Variants in EPB41L2 observed in about 807,000 individuals in gnomAD.
The protein encoded by EPB41L2 is band 4.1-like protein 2.
A neutral mutation model predicts 113.0 loss-of-function variants in EPB41L2; 43 were observed. The ratio of observed to expected loss-of-function variants is 0.38; its 90% CI spans 0.30 to 0.49. EPB41L2 has a LOEUF of 0.49. Among genes scored for constraint, EPB41L2 ranks in the 20% least tolerant of loss-of-function variants. The probability of loss-of-function intolerance (pLI) is 0.95; values close to 1 mark genes in which losing one functional copy is unlikely to be tolerated. For synonymous variants in EPB41L2, 442 were observed against 436.7 expected (o/e 1.01, Z -0.15); for missense variants, 1,147 against 1,223.4 (o/e 0.94, Z 0.93).
At chr6:130,995,759 G>C (rs1023571347) in intron 1 of EPB41L2, among the ~76,000 whole-genome samples, 24 of 152,232 alleles carry the variant, frequency 1.6e-4, no homozygotes, top group African/African-American at 5.3e-4. Context: ...GTCATGATCT[G>C]CCTGATCCTT....
chr6:130,849,130 G>T lies in EPB41L2; in HGVS notation c.*6-8532C>A, dbSNP rs572282623. Among the ~76,000 whole-genome samples, 10 of 152,288 alleles carry T rather than the reference G, an allele frequency of 6.6e-5. No homozygotes were observed. The South Asian group carries it at 1.9e-3, about 28-fold the overall frequency. On this transcript the variant is annotated intron_variant, in intron 19 of 19. Coordinates refer to ENST00000337057, the MANE Select transcript of EPB41L2 (RefSeq NM_001431.4). Reference sequence around the variant, plus strand: ...CTCAACATAAAGACAGGATATGACAGGCAGTAGCACTGTGGTGACCTAGAG... The same window carrying T: ...CTCAACATAAAGACAGGATATGACATGCAGTAGCACTGTGGTGACCTAGAG...
intron 9 of EPB41L2, 30 bp downstream of exon 9, chr6:130,894,934 TAAC>T (rs773806271): frequency 4.4e-6 from 7 of 1,580,716 alleles, no homozygotes; most frequent in South Asian, 1.2e-5. Context: ...ACAGGCCGAC[TAAC>T]AACAACTGAT....
chr6:130,935,206 C>T (rs551049049), intron 3 of EPB41L2, among the ~76,000 whole-genome samples: 77 of 152,222 alleles, frequency 5.1e-4, no homozygotes, highest in African/African-American at 1.8e-3. Context: ...GCAAAGATAC[C>T]CTCCAGTAAC....
intron 1 of EPB41L2, among the ~76,000 whole-genome samples, chr6:131,043,872 T>A (rs1794904639): frequency 6.6e-6 from 1 of 152,048 alleles, no homozygotes; most frequent in Non-Finnish European, 1.5e-5. Flanking sequence ...CCAAATAATA[T>A]AGTAAGAAGT....
At chr6:130,899,352 A>G in intron 8 of EPB41L2, 139 bp downstream of exon 8, 1 of 658,968 alleles carries the variant, frequency 1.5e-6, no homozygotes, top group Non-Finnish European at 2.6e-6. Context: ...TTAGTCACCA[A>G]GGAAATATTC....
chr6:130,968,701 C>A (rs1394370997), intron 1 of EPB41L2, among the ~76,000 whole-genome samples: 2 of 150,926 alleles, frequency 1.3e-5, no homozygotes, highest in Non-Finnish European at 2.9e-5. Context: ...AATGGAATTA[C>A]AGACATGCCA....
chr6:130,894,482 G>C (rs755865392), intron 9 of EPB41L2, 41 bp from the exon 10 acceptor site: 2 of 1,554,140 alleles, frequency 1.3e-6, no homozygotes, highest in Admixed American at 3.3e-5. Context: ...ATTTCCTTAA[G>C]AACTGACTAG....
intron 1 of EPB41L2, among the ~76,000 whole-genome samples, chr6:131,054,662 C>T (rs1333971986): frequency 6.6e-6 from 1 of 152,228 alleles, no homozygotes; most frequent in Non-Finnish European, 1.5e-5. Context: ...TTCACTACAA[C>T]AGTTACTACT....
intron 4 of EPB41L2, among the ~76,000 whole-genome samples, chr6:130,923,293 T>C (rs976923034): frequency 6.6e-6 from 1 of 152,186 alleles, no homozygotes. Flanking sequence ...TCAACCAAAG[T>C]GACCTTTTTA....
Position 131,061,165 on chromosome 6 carries a change from T to C in EPB41L2, c.-15+1990A>G, listed in dbSNP as rs181729232. ...AAGTCTTTCTTACAGAGGGATGTTTTAAAAGGAAAGAAACCGTCCCTTCCC... is the reference window on the plus strand; with the variant it reads ...AAGTCTTTCTTACAGAGGGATGTTTCAAAAGGAAAGAAACCGTCCCTTCCC... On this transcript the variant is annotated intron_variant, in intron 1 of 19. Coordinates refer to ENST00000337057, the MANE Select transcript of EPB41L2 (RefSeq NM_001431.4). Among the ~76,000 whole-genome samples the C allele has an allele frequency of 2.8e-3, 428 of 152,272 alleles. 1 individual carries two copies. The highest frequency in any genetic ancestry group is 0.017 in the Middle Eastern group (5 of 294).
At chr6:131,049,691 C>T (rs1796155476) in intron 1 of EPB41L2, among the ~76,000 whole-genome samples, 1 of 152,234 alleles carries the variant, frequency 6.6e-6, no homozygotes, top group Admixed American at 6.5e-5. Context: ...AGGCATTTGG[C>T]ATCATTTTCC....
intron 1 of EPB41L2, among the ~76,000 whole-genome samples, chr6:131,028,504 C>T (rs1254869514): frequency 2.0e-5 from 3 of 152,162 alleles, no homozygotes; most frequent in East Asian, 1.9e-4. Context: ...ATGTTAATTA[C>T]ATATATGATA....
chr6:130,982,351 T>C (rs1779563692), intron 1 of EPB41L2, among the ~76,000 whole-genome samples: 1 of 152,180 alleles, frequency 6.6e-6, no homozygotes, highest in South Asian at 2.1e-4. Context: ...CTAAACCTCA[T>C]TCTATAAACT....
chr6:130,988,020 G>A (rs994991228), intron 1 of EPB41L2, among the ~76,000 whole-genome samples: 6 of 152,066 alleles, frequency 3.9e-5, no homozygotes, highest in Non-Finnish European at 8.8e-5. Flanking sequence ...GGAGGCTGAG[G>A]TGGAAAAGTT....
At chr6:130,955,040 T>G (rs1167377018) in intron 3 of EPB41L2, 65 bp downstream of exon 3, 1 of 1,430,204 alleles carries the variant, frequency 7.0e-7, no homozygotes, top group Middle Eastern at 1.8e-4. Context: ...AACACAAAAA[T>G]CTATTCATCA....
intron 1 of EPB41L2, among the ~76,000 whole-genome samples, chr6:131,029,723 T>C (rs1791678898): frequency 6.6e-6 from 1 of 152,144 alleles, no homozygotes; most frequent in Non-Finnish European, 1.5e-5. Context: ...CCTGTCAAAT[T>C]ACAAAGCAAT....
intron 3 of EPB41L2, among the ~76,000 whole-genome samples, chr6:130,949,033 T>G (rs1813901387): frequency 6.6e-6 from 1 of 152,196 alleles, no homozygotes; most frequent in South Asian, 2.1e-4. Flanking sequence ...TCTGACCAAG[T>G]GGACAGACCT....
chr6:131,016,099 T>A lies in EPB41L2; in HGVS notation c.-15+47056A>T, dbSNP rs17059963. 0.02 allele frequency among the ~76,000 whole-genome samples: 2,980 copies of A among 152,258 alleles called. 178 individuals are homozygous for A. In the East Asian group the frequency reaches 0.25, roughly 13 times the overall value. On this transcript the variant is annotated intron_variant, in intron 1 of 19. Transcript: ENST00000337057. The stretch of plus-strand genomic sequence containing the variant: ...TGTAGCTGCCAATGGGCTGAACAAT[T>A]CCCAGTAGCTTGTGGCTAAAGAAAT...
At chr6:130,857,468 T>C (rs186994668) in intron 19 of EPB41L2, among the ~76,000 whole-genome samples, 1 of 152,278 alleles carries the variant, frequency 6.6e-6, no homozygotes, top group Non-Finnish European at 1.5e-5. Context: ...CTTTTGTTTC[T>C]ATTGGCTTAA....
Sources: gnomAD v4.1 joint callset for allele counts (sites outside exome capture counted in the v4.1 genomes callset) on GRCh38, gnomAD v4.1.1 for gene constraint, MANE v1.5 for transcripts, NCBI Gene and HGNC (gene_info 2026-07-23, HGNC 2026-07-21) for gene names.